The following MAMDC2 variants were observed in gnomAD, a reference collection of about 807,000 sequenced individuals.
The protein encoded by MAMDC2 is MAM domain-containing protein 2.
A neutral mutation model predicts 89.8 loss-of-function variants in MAMDC2; 57 were observed. The ratio of observed to expected loss-of-function variants is 0.63; its 90% CI spans 0.51 to 0.79. The LOEUF (loss-of-function observed/expected upper bound fraction) is 0.79, where lower values mean the gene tolerates loss of function less well. MAMDC2 is among the 30% of genes least tolerant of loss of function. The pLI, the probability that MAMDC2 is intolerant of heterozygous loss-of-function variation, is 0.00. For missense variants in MAMDC2, 800 were observed against 820.6 expected, an observed-to-expected ratio of 0.97 and a Z score of 0.31; for synonymous variants, 313 against 293.4, an observed-to-expected ratio of 1.07 and a Z score of -0.68.
At position 70,127,321 on chromosome 9, in the gene MAMDC2, G is replaced by T. The variant is rs79574656; in HGVS notation, c.900+906G>T. Among the ~76,000 whole-genome samples the T allele has an allele frequency of 5.6e-4, 85 of 152,290 alleles. 1 individual carries two copies. The East Asian group carries it at 0.016, about 28-fold the overall frequency. On this transcript the variant is annotated intron_variant, in intron 6 of 13. Transcript: ENST00000377182. ...TAAGTTCGTGGACTAAAATCTGACC[G>T]AAAGCTGAGGAAGGAGGCCCAGCTC...
chr9:70,153,889 T>C (rs900539896), intron 9 of MAMDC2: 5 of 152,306 alleles, frequency 3.3e-5, no homozygotes, highest in Middle Eastern at 6.8e-3. Context: ...AGATATTCCA[T>C]TGAAAAAGAG....
chr9:70,103,881 C>A lies in MAMDC2; in HGVS notation c.149-4330C>A, dbSNP rs149138958. Among the ~76,000 whole-genome samples, 49 of 151,892 alleles carry A rather than the reference C, an allele frequency of 3.2e-4. No individual in the cohort carries two copies. The East Asian group carries it at 8.8e-3, about 27-fold the overall frequency. The stretch of plus-strand genomic sequence containing the variant: ...CCTGTAGTCCCAGCTAATCAGGAGA[C>A]TGAGGTAGGAGAATTGCTTGAGCCC... On this transcript the variant is annotated intron_variant, in intron 2 of 13. Coordinates refer to ENST00000377182, the MANE Select transcript of MAMDC2 (RefSeq NM_153267.5).
intron 11 of MAMDC2, among the ~76,000 whole-genome samples, chr9:70,211,445 C>T (rs2033352236): frequency 6.6e-6 from 1 of 152,194 alleles, no homozygotes; most frequent in African/African-American, 2.4e-5. Context: ...GCATGCATCA[C>T]ATAGTTCTCT....
chr9:70,211,497 C>G (rs1467478668), intron 11 of MAMDC2, among the ~76,000 whole-genome samples: 1 of 152,168 alleles, frequency 6.6e-6, no homozygotes, highest in Non-Finnish European at 1.5e-5. Context: ...AAGGTCTTCT[C>G]TATACTGTTT....
intron 2 of MAMDC2, among the ~76,000 whole-genome samples, chr9:70,069,988 G>A (rs962177929): frequency 2.1e-4 from 32 of 152,172 alleles, no homozygotes; most frequent in African/African-American, 7.5e-4. Context: ...CCCACTCAGG[G>A]GGAGGTGTTT....
At chr9:70,183,475 G>A (rs1216240961) in intron 11 of MAMDC2, among the ~76,000 whole-genome samples, 1 of 152,186 alleles carries the variant, frequency 6.6e-6, no homozygotes, top group African/African-American at 2.4e-5. Flanking sequence ...CTGTGTGTGA[G>A]TCTAAGTCTC....
intron 2 of MAMDC2, among the ~76,000 whole-genome samples, chr9:70,066,271 G>A (rs974125992): frequency 6.6e-6 from 1 of 151,132 alleles, no homozygotes; most frequent in African/African-American, 2.5e-5. Context: ...CTGAGGAAAG[G>A]GGGTGCTTGG....
At chr9:70,202,990 G>A (rs2118638173) in intron 11 of MAMDC2, among the ~76,000 whole-genome samples, 1 of 152,086 alleles carries the variant, frequency 6.6e-6, no homozygotes, top group East Asian at 1.9e-4. Context: ...GCACACTGAT[G>A]GATCTTGACT....
intron 11 of MAMDC2, among the ~76,000 whole-genome samples, chr9:70,174,367 G>A (rs1000198477): frequency 2.6e-5 from 4 of 152,156 alleles, no homozygotes; most frequent in African/African-American, 7.2e-5. Flanking sequence ...TTTAAAAGGC[G>A]ATAATTGCTA....
intron 11 of MAMDC2, among the ~76,000 whole-genome samples, chr9:70,206,227 A>G (rs780976968): frequency 6.6e-6 from 1 of 152,204 alleles, no homozygotes; most frequent in Non-Finnish European, 1.5e-5. Flanking sequence ...GGGAAATTCC[A>G]GAACTGGCCA....
chr9:70,073,093 C>T (rs543367918), intron 2 of MAMDC2, among the ~76,000 whole-genome samples: 1 of 152,364 alleles, frequency 6.6e-6, no homozygotes, highest in Non-Finnish European at 1.5e-5. Flanking sequence ...CTTGGCCTCC[C>T]AAAGTGCTGG....
chr9:70,166,236 C>G (rs2032165683), intron 9 of MAMDC2, among the ~76,000 whole-genome samples: 1 of 145,138 alleles, frequency 6.9e-6, no homozygotes, highest in South Asian at 2.2e-4. Context: ...AGCAAAACTC[C>G]CATCTCAAAA....
At chr9:70,183,033 T>A (rs1468847630) in intron 11 of MAMDC2, among the ~76,000 whole-genome samples, 2 of 152,340 alleles carry the variant, frequency 1.3e-5, no homozygotes, top group African/African-American at 4.8e-5. Flanking sequence ...GTCCCAGAGA[T>A]TCTGGTACAT....
intron 2 of MAMDC2, chr9:70,090,567 T>C (rs558637562): frequency 2.6e-5 from 4 of 152,154 alleles, no homozygotes; most frequent in African/African-American, 7.2e-5. Flanking sequence ...ATTTTTTATC[T>C]ATCAAATTGT....
At chr9:70,068,684 T>C (rs1039184675) in intron 2 of MAMDC2, among the ~76,000 whole-genome samples, 13 of 135,038 alleles carry the variant, frequency 9.6e-5, no homozygotes, top group African/African-American at 3.6e-4. Flanking sequence ...ATCGCACCAC[T>C]GCATTCCAGC....
At chr9:70,213,426 AT>A (rs529270908) in intron 11 of MAMDC2, among the ~76,000 whole-genome samples, 310 of 152,066 alleles carry the variant, frequency 2.0e-3, no homozygotes, top group East Asian at 6.6e-3. Flanking sequence ...TTTGGGATGA[AT>A]TTTTTTTAAG....
At chr9:70,105,453 A>C (rs1258663959) in intron 2 of MAMDC2, among the ~76,000 whole-genome samples, 1 of 152,160 alleles carries the variant, frequency 6.6e-6, no homozygotes, top group Non-Finnish European at 1.5e-5. Context: ...GGTCTAGGAA[A>C]ATGCATCATT....
At chr9:70,149,444 A>C (rs1009897878) in intron 9 of MAMDC2, among the ~76,000 whole-genome samples, 15 of 152,084 alleles carry the variant, frequency 9.9e-5, no homozygotes, top group African/African-American at 3.6e-4. Context: ...ACCTACAGGG[A>C]GCTCTGAAAC....
chr9:70,131,130 ACT>A (rs1467990603), intron 6 of MAMDC2, among the ~76,000 whole-genome samples: 5 of 152,126 alleles, frequency 3.3e-5, no homozygotes, highest in African/African-American at 9.7e-5. Flanking sequence ...TATGGCACCT[ACT>A]CATTGTGTCC....
Sources: allele counts gnomAD v4.1 joint callset (sites outside exome capture counted in the v4.1 genomes callset), GRCh38; gene constraint gnomAD v4.1.1; transcripts MANE v1.5; gene names NCBI Gene and HGNC (gene_info 2026-07-23, HGNC 2026-07-21).